UGT2A1: variants seen among roughly 807,000 people sequenced by gnomAD.
UGT2A1 encodes the protein UDP-glucuronosyltransferase 2A1.
Under a neutral mutation model 45.4 loss-of-function variants are expected in UGT2A1, and 61 were observed. The observed-to-expected ratio is 1.34, with a 90% CI of 1.09 to 1.66. UGT2A1 has a LOEUF of 1.66. UGT2A1 is among the 40% of genes most tolerant of loss of function. The pLI is 0.00. For missense variants in UGT2A1, 649 were observed against 574.3 expected (o/e 1.13, Z -1.33); for synonymous variants, 229 against 196.2 (o/e 1.17, Z -1.40).
intron 3 of UGT2A1, among the ~76,000 whole-genome samples, chr4:69,616,032 C>A (rs1022762630): frequency 6.6e-6 from 1 of 151,892 alleles, no homozygotes; most frequent in Non-Finnish European, 1.5e-5. Context: ...GGTGAATCAA[C>A]GGACAAGTGA....
chr4:69,637,766 A>T (rs1328465192), intron 2 of UGT2A1, among the ~76,000 whole-genome samples: 1 of 152,056 alleles, frequency 6.6e-6, no homozygotes, highest in Non-Finnish European at 1.5e-5. Context: ...AGAGAATTTG[A>T]TCTGTTTTGC....
In UGT2A1 at chr4:69,588,504, ATTT is replaced by A. The variant is rs1181783948; in HGVS notation, c.*865_*867del. On this transcript the variant is annotated 3_prime_UTR_variant, in exon 7 of 7. Transcript: ENST00000286604. ...TGATTATATATTATGAACATTAGTG[ATTT>A]TTAAGCATAATTAATTGATGTTTTA... 1 of 152,090 alleles carries A rather than the reference ATTT, an allele frequency of 6.6e-6. No homozygotes were observed. The highest frequency in any genetic ancestry group is 1.9e-4 in the East Asian group (1 of 5,188). 9.4% of individuals were successfully genotyped at this position (152,090 alleles called of 1,614,324 possible). A position where few individuals can be genotyped will look rare whatever the true frequency, so the allele number is the denominator to read the frequency against.
intron 2 of UGT2A1, chr4:69,638,970 G>C: frequency 6.2e-7 from 1 of 1,613,006 alleles, no homozygotes; most frequent in Non-Finnish European, 8.5e-7. Flanking sequence ...CAGAGAATAA[G>C]ATATGGTATT....
At chr4:69,600,502 G>C (rs115475103) in intron 3 of UGT2A1, among the ~76,000 whole-genome samples, 1 of 152,164 alleles carries the variant, frequency 6.6e-6, no homozygotes, top group Non-Finnish European at 1.5e-5. Context: ...ATGGCCACAG[G>C]CACAAGAGAT....
chr4:69,613,610 TA>T (rs1028228516), intron 3 of UGT2A1, among the ~76,000 whole-genome samples: 9 of 151,914 alleles, frequency 5.9e-5, no homozygotes, highest in African/African-American at 2.2e-4. Context: ...AACAACATAT[TA>T]AAAAGATCAT....
chr4:69,594,665 A>G lies in UGT2A1; in HGVS notation c.1116T>C (p.His372=), dbSNP rs765122717. The G allele has an allele frequency of 3.7e-6, 6 of 1,613,926 alleles. No individual in the cohort carries two copies. In the Admixed American group the frequency reaches 1.0e-4, roughly 27 times the overall value. The change falls in exon 6 of 7, where the codon CAT becomes CAC. Residue 372 remains histidine, a synonymous_variant. Transcript: ENST00000286604. ...CTTCGTAGATCCCATTAGTTCCACC[A>G]TGAGTGATAAAAGCTTTGGTTTTGG... is the stretch of plus-strand genomic sequence containing the variant. ...GHPKTKAFIT[H]GGTNGIYEAI...
intron 3 of UGT2A1, among the ~76,000 whole-genome samples, chr4:69,616,117 C>T (rs564706330): frequency 1.6e-3 from 250 of 151,756 alleles, no homozygotes; most frequent in Non-Finnish European, 2.7e-3. Flanking sequence ...AAGCCAGGCG[C>T]GGAAAGACAA....
At chr4:69,604,001 T>C (rs1410376517) in intron 3 of UGT2A1, among the ~76,000 whole-genome samples, 2 of 136,680 alleles carry the variant, frequency 1.5e-5, no homozygotes, top group African/African-American at 3.0e-5. Context: ...CTGCAGGATA[T>C]TATCCAGTAG....
intron 3 of UGT2A1, among the ~76,000 whole-genome samples, chr4:69,613,163 C>G (rs541975743): frequency 6.6e-6 from 1 of 151,836 alleles, no homozygotes; most frequent in Non-Finnish European, 1.5e-5. Flanking sequence ...AAATGTGAAT[C>G]AAAATCATAA....
At position 69,627,598 on chromosome 4, in the gene UGT2A1, A is replaced by AAAAGAAAG. The variant is rs143064060; in HGVS notation, c.847+8085_847+8092dup. On this transcript the variant is annotated intron_variant, in intron 3 of 6. Coordinates refer to ENST00000286604, the MANE Select transcript of UGT2A1 (RefSeq NM_001252275.3). ...AGAGAGAAAGAAAAAAAGAAGAAAG[A>AAAAGAAAG]AAAGAAAGAAAGAAAGAGAAGAAAG... is the stretch of plus-strand genomic sequence containing the variant. Among the ~76,000 whole-genome samples, 473 of 149,216 alleles carry AAAAGAAAG rather than the reference A, an allele frequency of 3.2e-3. 3 individuals carry two copies. The highest frequency in any genetic ancestry group is 3.4e-3 in the African/African-American group (139 of 40,626).
intron 3 of UGT2A1, among the ~76,000 whole-genome samples, chr4:69,627,548 A>AAG (rs780406424): frequency 0.034 from 2,107 of 62,624 alleles, 27 homozygotes; most frequent in Non-Finnish European, 0.061. Flanking sequence ...GAGAGAGAGA[A>AAG]AGAGAGAGAG....
chr4:69,618,693 G>C (rs775031530), intron 3 of UGT2A1, among the ~76,000 whole-genome samples: 8 of 151,806 alleles, frequency 5.3e-5, no homozygotes, highest in Non-Finnish European at 8.8e-5. Flanking sequence ...TTCTTTAAAA[G>C]TGTAATTCTA....
chr4:69,603,962 G>T (rs1719453629), intron 3 of UGT2A1, among the ~76,000 whole-genome samples: 1 of 136,500 alleles, frequency 7.3e-6, no homozygotes, highest in Non-Finnish European at 1.6e-5. Context: ...GAAAGTGATG[G>T]GGAGAATGGA....
chr4:69,618,166 C>T (rs545914256), intron 3 of UGT2A1, among the ~76,000 whole-genome samples: 2 of 149,900 alleles, frequency 1.3e-5, no homozygotes, highest in Admixed American at 1.3e-4. Flanking sequence ...TATTATTTCA[C>T]AGATAAATAG....
intron 2 of UGT2A1, among the ~76,000 whole-genome samples, chr4:69,644,317 T>C (rs1722161650): frequency 6.6e-6 from 1 of 151,664 alleles, no homozygotes; most frequent in South Asian, 2.1e-4. Flanking sequence ...ATAAAGAGCA[T>C]AGTAATCATG....
intron 3 of UGT2A1, among the ~76,000 whole-genome samples, chr4:69,619,420 C>CATAAAATAAAATAAA (rs146525091): frequency 0.02 from 3,044 of 149,358 alleles, 116 homozygotes; most frequent in African/African-American, 0.07. Flanking sequence ...TACATAAATA[C>CATAAAATAAAATAAA]ATAAAATAAA....
intron 2 of UGT2A1, among the ~76,000 whole-genome samples, chr4:69,636,735 G>A (rs1334238343): frequency 2.6e-5 from 4 of 152,106 alleles, no homozygotes; most frequent in Non-Finnish European, 5.9e-5. Flanking sequence ...GATTTCCTAA[G>A]TAGTTTGGTG....
chr4:69,622,014 A>G lies in UGT2A1; in HGVS notation c.847+13677T>C, dbSNP rs564971517. On this transcript the variant is annotated intron_variant, in intron 3 of 6. Coordinates refer to ENST00000286604, the MANE Select transcript of UGT2A1 (RefSeq NM_001252275.3). ...GACAGTAAGGCCTACTTGAGGGTGG[A>G]TGGTGGAAGGAGGAAGAGGAAGAGA... Among the ~76,000 whole-genome samples the G allele has an allele frequency of 3.3e-5, 5 of 151,724 alleles. No homozygotes were observed. The South Asian group carries it at 1.0e-3, about 32-fold the overall frequency.
Position 69,630,736 on chromosome 4 carries a change from A to T in UGT2A1, c.847+4955T>A, listed in dbSNP as rs1285599354. ...GTATAAAAATTATATATGTTTTATTATGTTAGCGAACTGGTATACAGACCC... is the reference window on the plus strand; with the variant it reads ...GTATAAAAATTATATATGTTTTATTTTGTTAGCGAACTGGTATACAGACCC... On this transcript the variant is annotated intron_variant, in intron 3 of 6. Coordinates refer to ENST00000286604, the MANE Select transcript of UGT2A1 (RefSeq NM_001252275.3). Among the ~76,000 whole-genome samples, 10 of 152,280 alleles carry T rather than the reference A, an allele frequency of 6.6e-5. No homozygotes were observed. In the South Asian group the frequency reaches 1.9e-3, roughly 28 times the overall value.
Sources: allele counts gnomAD v4.1 joint callset (sites outside exome capture counted in the v4.1 genomes callset), GRCh38; gene constraint gnomAD v4.1.1; transcripts MANE v1.5; gene names NCBI Gene and HGNC (gene_info 2026-07-23, HGNC 2026-07-21).